The following ARHGEF17 variants were observed in gnomAD, a reference collection of about 807,000 sequenced individuals.
ARHGEF17 encodes the protein Rho guanine nucleotide exchange factor 17.
In ARHGEF17, 80 loss-of-function variants were observed where a neutral mutation model predicts 174.0. That is an observed-to-expected ratio of 0.46 (90% confidence interval 0.38 to 0.55). The LOEUF (loss-of-function observed/expected upper bound fraction) is 0.55, where lower values mean the gene tolerates loss of function less well. ARHGEF17 is among the 20% of genes least tolerant of loss of function. ARHGEF17 has a pLI of 0.00. For synonymous variants in ARHGEF17, 1,311 were observed against 1,189.1 expected, an observed-to-expected ratio of 1.10 and a Z score of -2.11; for missense variants, 2,886 against 2,839.7, an observed-to-expected ratio of 1.02 and a Z score of -0.37.
intron 1 of ARHGEF17, among the ~76,000 whole-genome samples, chr11:73,326,390 A>C (rs1865102110): frequency 6.6e-6 from 1 of 152,154 alleles, no homozygotes; most frequent in East Asian, 1.9e-4. Flanking sequence ...GAGTTCCTAA[A>C]GGCCAGGCCT....
chr11:73,342,118 G>GTGGGAGCACAGTCTAGGGA (rs1340278416), intron 1 of ARHGEF17, among the ~76,000 whole-genome samples: 21 of 136,012 alleles, frequency 1.5e-4, no homozygotes, highest in Admixed American at 2.8e-4. Flanking sequence ...CAGTCTAGGG[G>GTGGGAGCACAGTCTAGGGA]TGGGAGCACA....
At chr11:73,326,829 T>C (rs1165992402) in intron 1 of ARHGEF17, among the ~76,000 whole-genome samples, 3 of 152,232 alleles carry the variant, frequency 2.0e-5, no homozygotes, top group Non-Finnish European at 4.4e-5. Context: ...TTGATTTAAG[T>C]GAAAGTAGGG....
At position 73,311,004 on chromosome 11, in the gene ARHGEF17, G is replaced by T. The variant is rs1182459772; in HGVS notation, c.2366G>T (p.Gly789Val). The T allele has an allele frequency of 6.2e-7, 1 of 1,614,206 alleles. No individual in the cohort carries two copies. Among genetic ancestry groups the T allele is most frequent in the Admixed American group, 1.7e-5 (1 of 60,028 alleles). ...LTSGHSDWSVGSEESKGYQEV... is the reference protein window; with the variant it reads ...LTSGHSDWSVVSEESKGYQEV... ...AGTGGTCACAGTGACTGGTCTGTGG[G>T]CAGTGAAGAGAGCAAGGGATATCAG... The change falls in exon 1 of 21, where the codon GGC (glycine) becomes GTC (valine). Residue 789 changes from glycine (G) to valine (V), a missense_variant. By Grantham distance (109) the Gly-to-Val change is moderately radical. This residue lies in a region of ARHGEF17 where 1,728 missense variants were observed against 1,461.2 expected (regional missense o/e 1.18). Transcript: ENST00000263674.
chr11:73,337,285 G>A (rs572648720), intron 1 of ARHGEF17, among the ~76,000 whole-genome samples: 2 of 151,970 alleles, frequency 1.3e-5, no homozygotes, highest in African/African-American at 4.8e-5. Flanking sequence ...GTGCGCACCT[G>A]TACCCCCACC....
Position 73,368,047 on chromosome 11 carries a change from T to A in ARHGEF17, c.*267T>A. 1 of 406,882 alleles carries A rather than the reference T, an allele frequency of 2.5e-6. No homozygotes were observed. Among genetic ancestry groups the A allele is most frequent in the East Asian group, 3.8e-5 (1 of 26,452 alleles). 25.2% of individuals were successfully genotyped at this position (406,882 alleles called of 1,614,324 possible). ...GTGGGCTGACCAGGACCTCTGACCC[T>A]GGAGCTTCTACCAAAGACACAGCTG... On this transcript the variant is annotated 3_prime_UTR_variant, in exon 21 of 21. Coordinates refer to ENST00000263674, the MANE Select transcript of ARHGEF17 (RefSeq NM_014786.4).
Position 73,310,683 on chromosome 11 carries a change from G to A in ARHGEF17, c.2045G>A (p.Gly682Asp). The A allele has an allele frequency of 6.2e-7, 1 of 1,613,844 alleles. No individual in the cohort carries two copies. Among genetic ancestry groups the A allele is most frequent in the African/African-American group, 1.3e-5 (1 of 75,042 alleles). Reference sequence around the variant, plus strand: ...TCCTCGGCCCAGACGAACCACCATGGCCCTGGGACTGAGGACAGTCTGGGC... The same window carrying A: ...TCCTCGGCCCAGACGAACCACCATGACCCTGGGACTGAGGACAGTCTGGGC... ...SSSSAQTNHH[G>D]PGTEDSLGGW... The change falls in exon 1 of 21, where the codon GGC becomes GAC. Residue 682 changes from glycine (G) to aspartate (D), a missense_variant. Transcript: ENST00000263674.
intron 1 of ARHGEF17, among the ~76,000 whole-genome samples, chr11:73,341,913 C>T (rs1409516290): frequency 6.6e-6 from 1 of 152,188 alleles, no homozygotes; most frequent in Non-Finnish European, 1.5e-5. Context: ...AGGGCTGAGG[C>T]ACAGCTGCAG....
chr11:73,313,376 C>T (rs1260602775), intron 1 of ARHGEF17, among the ~76,000 whole-genome samples: 1 of 152,116 alleles, frequency 6.6e-6, no homozygotes, highest in Non-Finnish European at 1.5e-5. Context: ...GCCTCCTTTC[C>T]CATATATCTT....
At chr11:73,337,319 A>G (rs1865301486) in intron 1 of ARHGEF17, among the ~76,000 whole-genome samples, 1 of 150,806 alleles carries the variant, frequency 6.6e-6, no homozygotes. Context: ...AGACAGGAGG[A>G]TCGCTTGAGC....
At position 73,352,944 on chromosome 11, in the gene ARHGEF17, G is replaced by C; in HGVS notation, c.3385G>C (p.Glu1129Gln). ...ELLEHHEQFL[E>Q]QVRHCMQTWH... ...CCTGGAGCACCACGAGCAATTCCTG[G>C]AGCAGGTTCGGCACTGCATGCAGAC... is the stretch of plus-strand genomic sequence containing the variant. The change falls in exon 3 of 21, where the codon GAG becomes CAG. Residue 1129 changes from glutamate to glutamine, a missense_variant. Glu to Gln is a conservative substitution (Grantham distance 29). Around this residue, in one of 4 missense-constraint regions of ARHGEF17, gnomAD observed 353 missense variants for 470.3 expected, o/e 0.75. Coordinates refer to ENST00000263674, the MANE Select transcript of ARHGEF17 (RefSeq NM_014786.4). 6.2e-7 allele frequency: 1 copy of C among 1,614,148 alleles called. No individual in the cohort carries two copies. Among genetic ancestry groups the C allele is most frequent in the Non-Finnish European group, 8.5e-7 (1 of 1,180,040 alleles).
chr11:73,355,670 G>T, intron 4 of ARHGEF17, 21 bp downstream of exon 4: 2 of 1,606,990 alleles, frequency 1.2e-6, no homozygotes, highest in Non-Finnish European at 1.7e-6. Context: ...CTAGGGCAGG[G>T]GGATGGAGGT....
intron 1 of ARHGEF17, chr11:73,343,367 G>A (rs889087492): frequency 7.7e-6 from 3 of 387,752 alleles, no homozygotes; most frequent in Admixed American, 4.5e-5. Flanking sequence ...GGTGGGGGGA[G>A]GGGAGGCATG....
chr11:73,309,065 G>A lies in ARHGEF17; in HGVS notation c.427G>A (p.Ala143Thr). ...FGGPGSRRPS[A>T]DSESPGTPSP... ...CGGTCCTGGCTCCAGGAGGCCCAGCGCCGACTCTGAATCCCCAGGAACGCC... is the reference window on the plus strand; with the variant it reads ...CGGTCCTGGCTCCAGGAGGCCCAGCACCGACTCTGAATCCCCAGGAACGCC... The change falls in exon 1 of 21, where the codon GCC (alanine) becomes ACC (threonine). Residue 143 changes from alanine (A) to threonine (T), a missense_variant. Physicochemically the swap from Ala to Thr is moderately conservative, Grantham distance 58 (BLOSUM62 0). Transcript: ENST00000263674. 6.6e-7 allele frequency: 1 copy of A among 1,506,456 alleles called. No homozygotes were observed. Among genetic ancestry groups the A allele is most frequent in the Non-Finnish European group, 8.8e-7 (1 of 1,132,430 alleles). The allele number at this position is 1,506,456 out of a possible 1,614,324, so 93.3% of individuals were successfully genotyped here. A position where few individuals can be genotyped will look rare whatever the true frequency, so the allele number is the denominator to read the frequency against.
intron 1 of ARHGEF17, among the ~76,000 whole-genome samples, chr11:73,333,882 C>G (rs529083318): frequency 2.0e-5 from 3 of 152,186 alleles, no homozygotes; most frequent in Non-Finnish European, 4.4e-5. Flanking sequence ...ATATCAAATG[C>G]GTAGAAATGG....
chr11:73,359,864 T>C lies in ARHGEF17; in HGVS notation c.4118T>C (p.Ile1373Thr). 1 of 1,612,980 alleles carries C rather than the reference T, an allele frequency of 6.2e-7. No individual in the cohort carries two copies. Among genetic ancestry groups the C allele is most frequent in the Non-Finnish European group, 8.5e-7 (1 of 1,179,494 alleles). ...GASQATNREN[I>T]QKAISRLDED... ...TCCCAAGCCACCAATCGGGAGAACA[T>C]CCAGAAGGCCATCAGCCGCCTTGAT... Residue 1373 changes from isoleucine (I) to threonine (T), a missense_variant, in exon 10 of 21, where the codon ATC becomes ACC. Physicochemically the swap from Ile to Thr is moderately conservative, Grantham distance 89. Coordinates refer to ENST00000263674, the MANE Select transcript of ARHGEF17 (RefSeq NM_014786.4).
At position 73,364,619 on chromosome 11, in the gene ARHGEF17, A is replaced by G. The variant is rs1865806415; in HGVS notation, c.5550+19A>G. On this transcript the variant is annotated intron_variant, in intron 18 of 20. Coordinates refer to ENST00000263674, the MANE Select transcript of ARHGEF17 (RefSeq NM_014786.4). ...GCTGGAGGTAGCAGGGGGTGGGGGA[A>G]TGGAATTGGTGCCATGGGATGAGCT... 1 of 1,599,504 alleles carries G rather than the reference A, an allele frequency of 6.3e-7. No homozygotes were observed. The highest frequency in any genetic ancestry group is 1.3e-5 in the African/African-American group (1 of 74,132).
intron 1 of ARHGEF17, among the ~76,000 whole-genome samples, chr11:73,316,820 C>T (rs1409843700): frequency 6.6e-6 from 1 of 152,216 alleles, no homozygotes; most frequent in East Asian, 1.9e-4. Flanking sequence ...ATTCACAGGT[C>T]TGCTCTGGCT....
Position 73,365,698 on chromosome 11 carries a change from C to A in ARHGEF17, c.5746C>A (p.Gln1916Lys). ...MLAGSDAIIR[Q>K]HKAACLRITA... is the part of the protein sequence containing the mutation. ...CCCAGGCTCGGATGCCATCATCCGG[C>A]AGCACAAGGCTGCCTGTCTGCGAAT... is the stretch of plus-strand genomic sequence containing the variant. Residue 1916 changes from glutamine (Q) to lysine (K), a missense_variant, in exon 20 of 21, where the codon CAG (glutamine) becomes AAG (lysine). Coordinates refer to ENST00000263674, the MANE Select transcript of ARHGEF17 (RefSeq NM_014786.4). This position sits in a 1 kb window ranked among gnomAD's most constrained non-coding sequence, Gnocchi z 4.9. 1 of 1,612,868 alleles carries A rather than the reference C, an allele frequency of 6.2e-7. No homozygotes were observed. Among genetic ancestry groups the A allele is most frequent in the East Asian group, 2.2e-5 (1 of 44,876 alleles).
intron 2 of ARHGEF17, 121 bp downstream of exon 2, chr11:73,347,081 A>C: frequency 1.0e-6 from 1 of 977,810 alleles, no homozygotes; most frequent in Non-Finnish European, 1.6e-6. Context: ...TGTCCCTGGC[A>C]TCCGTCGCCT....
Sources: allele counts gnomAD v4.1 joint callset (sites outside exome capture counted in the v4.1 genomes callset), GRCh38; gene constraint gnomAD v4.1.1; regional missense constraint gnomAD v4.1.1; non-coding constraint Gnocchi (gnomAD v3.1); transcripts MANE v1.5; gene names NCBI Gene and HGNC (gene_info 2026-07-23, HGNC 2026-07-21).